The following RAB3IL1 variants were observed in gnomAD, a reference collection of about 807,000 sequenced individuals.
RAB3IL1 encodes RAB3A interacting protein like 1.
In RAB3IL1, 37 loss-of-function variants were observed where a neutral mutation model predicts 49.2. The observed-to-expected ratio is 0.75, with a 90% CI of 0.58 to 0.99. The LOEUF is 0.99. Among genes scored for constraint, RAB3IL1 ranks in the 50% least tolerant of loss-of-function variants. The probability of loss-of-function intolerance (pLI) is 0.00; values close to 1 mark genes in which losing one functional copy is unlikely to be tolerated. For missense variants in RAB3IL1, 484 were observed against 513.0 expected, an observed-to-expected ratio of 0.94 and a Z score of 0.55; for synonymous variants, 193 against 213.9, an observed-to-expected ratio of 0.90 and a Z score of 0.85.
chr11:61,945,820 G>T, the RAB3IL1 span: 2 of 985,202 alleles, frequency 2.0e-6, no homozygotes, highest in South Asian at 4.7e-5. Flanking sequence ...TCGCAGCACA[G>T]TGGATCCTCT....
chr11:61,940,489 A>G, the RAB3IL1 span, among the ~76,000 whole-genome samples: 1 of 151,946 alleles, frequency 6.6e-6, no homozygotes, highest in African/African-American at 2.4e-5. Flanking sequence ...ATGAATAAAA[A>G]TTAAAAATAA....
chr11:61,916,906 C>T (rs1398751274), intron 1 of RAB3IL1, among the ~76,000 whole-genome samples: 1 of 151,874 alleles, frequency 6.6e-6, no homozygotes, highest in Non-Finnish European at 1.5e-5. Flanking sequence ...CAAGGAGGTT[C>T]TGCCCTCAAC....
rs1939750039 is a variant in RAB3IL1 at position 61,917,458 on chromosome 11, G to C, written c.-91C>G. 2 of 1,165,804 alleles carry C rather than the reference G, an allele frequency of 1.7e-6. No individual in the cohort carries two copies. Among genetic ancestry groups the C allele is most frequent in the African/African-American group, 1.6e-5 (1 of 61,680 alleles). 72.2% of individuals were successfully genotyped at this position (1,165,804 alleles called of 1,614,324 possible). A position where few individuals can be genotyped will look rare whatever the true frequency, so the allele number is the denominator to read the frequency against. ...CCGCCCGCCGCCGACTCCGCCAGGG[G>C]CCGAGCCGCCCCACCGCCTGTCAGC... On this transcript the variant is annotated 5_prime_UTR_variant, in exon 1 of 10. Coordinates refer to ENST00000394836, the MANE Select transcript of RAB3IL1 (RefSeq NM_013401.4).
intron 8 of RAB3IL1, among the ~76,000 whole-genome samples, chr11:61,901,285 G>A (rs932829328): frequency 3.3e-5 from 5 of 152,218 alleles, no homozygotes; most frequent in Non-Finnish European, 5.9e-5. Flanking sequence ...GAGGGACAGA[G>A]GAAGAGGAAT....
the RAB3IL1 span, among the ~76,000 whole-genome samples, chr11:61,932,839 T>G: frequency 1.3e-5 from 2 of 148,764 alleles, no homozygotes; most frequent in Admixed American, 1.4e-4. Context: ...TGGCACAATC[T>G]CAGCTCACTG....
intron 1 of RAB3IL1, among the ~76,000 whole-genome samples, chr11:61,916,380 C>T (rs1279162962): frequency 6.6e-6 from 1 of 152,104 alleles, no homozygotes; most frequent in Non-Finnish European, 1.5e-5. Context: ...CTCCACACCT[C>T]ACCCCTAACA....
upstream of RAB3IL1, chr11:61,920,380 G>A (rs1939873568): frequency 2.7e-6 from 2 of 736,486 alleles, no homozygotes; most frequent in Non-Finnish European, 3.7e-6. Context: ...ATTAACTCCT[G>A]TGGCTCCTCA....
At chr11:61,908,786 C>G (rs1376547530) in intron 1 of RAB3IL1, among the ~76,000 whole-genome samples, 1 of 152,200 alleles carries the variant, frequency 6.6e-6, no homozygotes, top group Admixed American at 6.5e-5. Flanking sequence ...AATTCTGCCC[C>G]TTTCAGGGTG....
In RAB3IL1 at chr11:61,906,368, C is replaced by T; in HGVS notation, c.657+98G>A. ...GAGGCGCAGGACAGGCTCCAGGTCA[C>T]ACAGCATGGGGCAGGCTGGTCCTCA... On this transcript the variant is annotated intron_variant, in intron 5 of 9. Coordinates refer to ENST00000394836, the MANE Select transcript of RAB3IL1 (RefSeq NM_013401.4). This position sits in a 1 kb window ranked among gnomAD's most constrained non-coding sequence, Gnocchi z 4.6. 1 of 1,145,610 alleles carries T rather than the reference C, an allele frequency of 8.7e-7. No individual in the cohort carries two copies. Among genetic ancestry groups the T allele is most frequent in the Non-Finnish European group, 1.3e-6 (1 of 794,996 alleles). 71.0% of individuals were successfully genotyped at this position (1,145,610 alleles called of 1,614,324 possible).
chr11:61,899,190 C>T (rs1938768138), intron 9 of RAB3IL1, 124 bp downstream of exon 9: 2 of 1,114,594 alleles, frequency 1.8e-6, no homozygotes, highest in South Asian at 2.9e-5. Context: ...CCACAACCCT[C>T]CCCGCTCCCC....
At position 61,898,032 on chromosome 11, in the gene RAB3IL1, T is replaced by A; in HGVS notation, c.*246A>T. 2.1e-6 allele frequency: 1 copy of A among 487,654 alleles called. No homozygotes were observed. Among genetic ancestry groups the A allele is most frequent in the Non-Finnish European group, 3.7e-6 (1 of 270,820 alleles). 30.2% of individuals were successfully genotyped at this position (487,654 alleles called of 1,614,324 possible). The stretch of plus-strand genomic sequence containing the variant: ...AGCTCCCTGGTCTTTGGTGCTTTCT[T>A]GAAATCCTCCTGGTGGTGGCAGAAC... On this transcript the variant is annotated 3_prime_UTR_variant, in exon 10 of 10. Coordinates refer to ENST00000394836, the MANE Select transcript of RAB3IL1 (RefSeq NM_013401.4). The surrounding 1 kb of genome is among the most constrained non-coding windows in gnomAD (Gnocchi z 5.1).
chr11:61,940,823 G>A, the RAB3IL1 span, among the ~76,000 whole-genome samples: 1 of 152,076 alleles, frequency 6.6e-6, no homozygotes, highest in South Asian at 2.1e-4. Flanking sequence ...AGGAGGCTGA[G>A]GTGGGAAAAT....
At chr11:61,931,432 G>A in the RAB3IL1 span, among the ~76,000 whole-genome samples, 1,676 of 152,284 alleles carry the variant, frequency 0.011, 31 homozygotes, top group African/African-American at 0.038. Flanking sequence ...GATCTAAGAC[G>A]AATGTTACCC....
rs1347719949 is a variant in RAB3IL1, at chr11:61,898,249, A to G, written c.*29T>C. On this transcript the variant is annotated 3_prime_UTR_variant, in exon 10 of 10. Coordinates refer to ENST00000394836, the MANE Select transcript of RAB3IL1 (RefSeq NM_013401.4). The surrounding 1 kb of genome is among the most constrained non-coding windows in gnomAD (Gnocchi z 5.1). The stretch of plus-strand genomic sequence containing the variant: ...CTGGGGTGGGTGTTTGCTCTGTCTC[A>G]GAGCTCCCCTTCAGGCCTGGGCCGC... The G allele has an allele frequency of 6.2e-7, 1 of 1,603,410 alleles. No homozygotes were observed.
chr11:61,902,319 AT>A, intron 8 of RAB3IL1, 122 bp downstream of exon 8: 1 of 857,606 alleles, frequency 1.2e-6, no homozygotes, highest in Non-Finnish European at 1.8e-6. Flanking sequence ...GTCTCAAAAA[AT>A]AAATAAATAA....
intron 8 of RAB3IL1, 176 bp from the exon 9 acceptor site, chr11:61,899,556 C>A: frequency 1.7e-6 from 1 of 597,282 alleles, no homozygotes; most frequent in East Asian, 2.8e-5. Context: ...ACTAGCCCTG[C>A]TGTAATAGCA....
At chr11:61,921,807 G>A (rs181460333), upstream of RAB3IL1, among the ~76,000 whole-genome samples, 461 of 152,276 alleles carry the variant, frequency 3.0e-3, 2 homozygotes, top group African/African-American at 0.01. Context: ...TGTGGCCTTA[G>A]GCAAGTCACT....
chr11:61,912,295 C>T (rs950095871), intron 1 of RAB3IL1, among the ~76,000 whole-genome samples: 2 of 152,192 alleles, frequency 1.3e-5, no homozygotes, highest in African/African-American at 2.4e-5. Flanking sequence ...TTCAGATTCA[C>T]GCTCAGCCTT....
At position 61,908,311 on chromosome 11, in the gene RAB3IL1, A is replaced by G. The variant is rs572770434; in HGVS notation, c.12-5T>C. ...CCCTGGTCTGGCTGGGGTGGGCTGG[A>G]GACAAACAAGGGTATCAGCAGGTTC... On this transcript the variant is annotated splice_polypyrimidine_tract_variant and splice_region_variant and intron_variant, in intron 1 of 9. Coordinates refer to ENST00000394836, the MANE Select transcript of RAB3IL1 (RefSeq NM_013401.4). 47 of 1,467,560 alleles carry G rather than the reference A, an allele frequency of 3.2e-5. No individual in the cohort carries two copies. The East Asian group carries it at 9.6e-4, about 30-fold the overall frequency. 90.9% of individuals were successfully genotyped at this position (1,467,560 alleles called of 1,614,324 possible).
Sources: allele counts gnomAD v4.1 joint callset (sites outside exome capture counted in the v4.1 genomes callset), GRCh38; gene constraint gnomAD v4.1.1; non-coding constraint Gnocchi (gnomAD v3.1); transcripts MANE v1.5; gene names NCBI Gene and HGNC (gene_info 2026-07-23, HGNC 2026-07-21).